The following CARNS1 variants were observed in gnomAD, a reference collection of about 807,000 sequenced individuals.
CARNS1 encodes the protein ATP-grasp domain containing 1.
CARNS1 carries 61 observed loss-of-function variants against 74.0 expected under a neutral mutation model. That is an observed-to-expected ratio of 0.82 (90% CI 0.67 to 1.02). CARNS1 has a LOEUF of 1.02. CARNS1 is among the 50% of genes least tolerant of loss of function. CARNS1 has a pLI of 0.00. For synonymous variants in CARNS1, 568 were observed against 605.5 expected, an observed-to-expected ratio of 0.94 and a Z score of 0.91; for missense variants, 1,278 against 1,308.4, an observed-to-expected ratio of 0.98 and a Z score of 0.36.
rs745377070 is a variant in CARNS1, at chr11:67,424,051, C to T, written c.2303C>T (p.Pro768Leu). ...TTCACTGAGACGGCGGCCTGCATGC[C>T]CACCGGGCTGGCACCAGAGCAGGAG... ...PGFTETAACM[P>L]TGLAPEQEAQ... The change falls in exon 10 of 10, where the codon CCC (proline) becomes CTC (leucine). Residue 768 changes from proline to leucine, a missense_variant. Around this residue, in one of 3 missense-constraint regions of CARNS1, gnomAD observed 1,164 missense variants for 1,156.5 expected, o/e 1.01. Transcript: ENST00000687366. 2.5e-6 allele frequency: 4 copies of T among 1,612,908 alleles called. No homozygotes were observed. In the African/African-American group the frequency reaches 4.0e-5, roughly 16 times the overall value.
rs375777771 is a variant in CARNS1 at position 67,419,644 on chromosome 11, C to T, written c.1010C>T (p.Ala337Val). ...CTGGTGGAGGCTGTGTACCCACCTGCCCAGCTGCCCTGCTCAGGTGAGAGC... is the reference window on the plus strand; with the variant it reads ...CTGGTGGAGGCTGTGTACCCACCTGTCCAGCTGCCCTGCTCAGGTGAGAGC... The part of the protein sequence containing the change: ...SVLVEAVYPP[A>V]QLPCSDGPSP... Residue 337 changes from alanine (A) to valine (V), a missense_variant, in exon 6 of 10, where the codon GCC becomes GTC. Ala to Val is a moderately conservative substitution (Grantham distance 64). Transcript: ENST00000687366. 67 of 1,596,984 alleles carry T rather than the reference C, an allele frequency of 4.2e-5. No individual in the cohort carries two copies. The highest frequency in any genetic ancestry group is 1.7e-4 in the Middle Eastern group (1 of 6,060).
intron 1 of CARNS1, 27 bp from the exon 2 acceptor site, chr11:67,416,149 T>TCTCTGTCC: frequency 7.2e-7 from 1 of 1,390,380 alleles, no homozygotes; most frequent in Non-Finnish European, 9.9e-7. Flanking sequence ...CTCCTTCGTC[T>TCTCTGTCC]CTCTGTCCCT....
Position 67,423,343 on chromosome 11 carries a change from C to T in CARNS1, c.1627-32C>T, listed in dbSNP as rs1355147082. On this transcript the variant is annotated intron_variant, in intron 9 of 9. Transcript: ENST00000687366. The surrounding 1 kb of genome is among the most constrained non-coding windows in gnomAD (Gnocchi z 5.1). Reference sequence around the variant, plus strand: ...CCCCCTAGCACCCAGTACTAGCTGACCTGGATATGCCCCACCCTGTGGCTT... The same window carrying T: ...CCCCCTAGCACCCAGTACTAGCTGATCTGGATATGCCCCACCCTGTGGCTT... The T allele has an allele frequency of 6.3e-7, 1 of 1,575,584 alleles. No individual in the cohort carries two copies. Among genetic ancestry groups the T allele is most frequent in the East Asian group, 2.2e-5 (1 of 44,476 alleles).
Position 67,424,864 on chromosome 11 carries a change from C to T in CARNS1, c.*263C>T, listed in dbSNP as rs1006222411. Reference sequence around the variant, plus strand: ...AGCCTTGGAGAAATGACAATGGCCACACACACACACACACACACACACACA... The same window carrying T: ...AGCCTTGGAGAAATGACAATGGCCATACACACACACACACACACACACACA... On this transcript the variant is annotated 3_prime_UTR_variant, in exon 10 of 10. Coordinates refer to ENST00000687366, the MANE Select transcript of CARNS1 (RefSeq NM_001166222.2). The T allele has an allele frequency of 1.0e-5, 5 of 487,064 alleles. No individual in the cohort carries two copies. The highest frequency in any genetic ancestry group is 1.9e-5 in the Non-Finnish European group (5 of 257,432). The allele number at this position is 487,064 out of a possible 1,614,324, so 30.2% of individuals were successfully genotyped here. A position where few individuals can be genotyped will look rare whatever the true frequency, so the allele number is the denominator to read the frequency against.
At position 67,423,578 on chromosome 11, in the gene CARNS1, G is replaced by A. The variant is rs759892422; in HGVS notation, c.1830G>A (p.Glu610=). 1 of 1,610,708 alleles carries A rather than the reference G, an allele frequency of 6.2e-7. No individual in the cohort carries two copies. The highest frequency in any genetic ancestry group is 2.2e-5 in the East Asian group (1 of 44,720). Residue 610 remains glutamate, a synonymous_variant, in exon 10 of 10, where the codon GAG becomes GAA. Transcript: ENST00000687366. The surrounding 1 kb of genome is among the most constrained non-coding windows in gnomAD (Gnocchi z 5.1). The stretch of plus-strand genomic sequence containing the variant: ...TGCTCACAGCCCTGCTCTGCCAGGA[G>A]CTAGGTCTGCCCTGCAGCTCCCCAG... ...CLVLTALLCQ[E]LGLPCSSPAA... is the part of the protein sequence containing the mutation.
chr11:67,416,059 C>T (rs1230066996), intron 1 of CARNS1, 117 bp from the exon 2 acceptor site: 4 of 713,524 alleles, frequency 5.6e-6, no homozygotes, highest in African/African-American at 1.7e-5. Flanking sequence ...TGGCCTCTCT[C>T]TGCAGGGACA....
Position 67,420,920 on chromosome 11 carries a change from C to A in CARNS1, c.1346-19C>A. 1 of 1,368,384 alleles carries A rather than the reference C, an allele frequency of 7.3e-7. No homozygotes were observed. Among genetic ancestry groups the A allele is most frequent in the Non-Finnish European group, 9.4e-7 (1 of 1,063,584 alleles). 84.8% of individuals were successfully genotyped at this position (1,368,384 alleles called of 1,614,324 possible). A position where few individuals can be genotyped will look rare whatever the true frequency, so the allele number is the denominator to read the frequency against. ...GCGGTGGCTGCCGTAGCTGAGCTCG[C>A]GCCTCCCGCCCGGCGCAGGCGTGGA... is the stretch of plus-strand genomic sequence containing the variant. On this transcript the variant is annotated intron_variant, in intron 8 of 9. Transcript: ENST00000687366.
At chr11:67,417,315 C>T in intron 2 of CARNS1, 92 bp from the exon 3 acceptor site, 1 of 1,266,254 alleles carries the variant, frequency 7.9e-7, no homozygotes, top group Middle Eastern at 2.0e-4. Flanking sequence ...GAACATAGCC[C>T]AGGCTGGGAG....
rs1391425211 is a variant in CARNS1 at position 67,424,984 on chromosome 11, G to A, written c.*383G>A. The A allele has an allele frequency of 8.0e-6, 4 of 499,008 alleles. No individual in the cohort carries two copies. Among genetic ancestry groups the A allele is most frequent in the Non-Finnish European group, 1.6e-5 (4 of 256,038 alleles). The allele number at this position is 499,008 out of a possible 1,614,324, so 30.9% of individuals were successfully genotyped here. On this transcript the variant is annotated 3_prime_UTR_variant, in exon 10 of 10. Transcript: ENST00000687366. Reference sequence around the variant, plus strand: ...CTCACTCTCTTCCTGCCATCTACAAGAGGAGAGGACCTGGCTGGGCCCCAA... The same window carrying A: ...CTCACTCTCTTCCTGCCATCTACAAAAGGAGAGGACCTGGCTGGGCCCCAA...
In CARNS1 at chr11:67,420,934, C is replaced by T; in HGVS notation, c.1346-5C>T. ...AGCTGAGCTCGCGCCTCCCGCCCGGCGCAGGCGTGGATTTCGCGCTGACAG... is the reference window on the plus strand; with the variant it reads ...AGCTGAGCTCGCGCCTCCCGCCCGGTGCAGGCGTGGATTTCGCGCTGACAG... On this transcript the variant is annotated splice_region_variant and splice_polypyrimidine_tract_variant and intron_variant, in intron 8 of 9. Transcript: ENST00000687366. 7.1e-7 allele frequency: 1 copy of T among 1,401,144 alleles called. No homozygotes were observed. The highest frequency in any genetic ancestry group is 9.3e-7 in the Non-Finnish European group (1 of 1,080,022). The allele number at this position is 1,401,144 out of a possible 1,614,324, so 86.8% of individuals were successfully genotyped here.
At chr11:67,419,459 G>A in intron 5 of CARNS1, 28 bp from the exon 6 acceptor site, 1 of 1,607,924 alleles carries the variant, frequency 6.2e-7, no homozygotes, top group Non-Finnish European at 8.5e-7. Flanking sequence ...GTGGTGTCCA[G>A]GAGGCCCCTT....
Position 67,421,223 on chromosome 11 carries a change from G to GGCGGGGC in CARNS1, c.1626+13_1626+19dup, listed in dbSNP as rs1863694384. 6.7e-7 allele frequency: 1 copy of GGCGGGGC among 1,485,238 alleles called. No homozygotes were observed. The highest frequency in any genetic ancestry group is 8.9e-7 in the Non-Finnish European group (1 of 1,124,790). The allele number at this position is 1,485,238 out of a possible 1,614,324, so 92.0% of individuals were successfully genotyped here. On this transcript the variant is annotated splice_donor_region_variant and intron_variant, in intron 9 of 9. Coordinates refer to ENST00000687366, the MANE Select transcript of CARNS1 (RefSeq NM_001166222.2). ...GGCGCGCGACTACGGGCTCCAGGTGGGCGGGGCGCGGGGCGGGGCTGGGCC... is the reference window on the plus strand; with the variant it reads ...GGCGCGCGACTACGGGCTCCAGGTGGGCGGGGCGCGGGGCGCGGGGCGGGGCTGGGCC...
intron 2 of CARNS1, chr11:67,416,464 C>A: frequency 1.5e-6 from 2 of 1,327,704 alleles, no homozygotes; most frequent in Non-Finnish European, 1.9e-6. Context: ...CTGGCCCTGG[C>A]AAACTGGGAT....
rs59798232 is a variant in CARNS1 at position 67,424,861 on chromosome 11, C to CCA, written c.*290_*291dup. 63,955 of 504,722 alleles carry CCA rather than the reference C, an allele frequency of 0.13. 3,077 individuals are homozygous for CCA. The highest frequency in any genetic ancestry group is 0.33 in the African/African-American group (15,496 of 47,602). 31.3% of individuals were successfully genotyped at this position (504,722 alleles called of 1,614,324 possible). A position where few individuals can be genotyped will look rare whatever the true frequency, so the allele number is the denominator to read the frequency against. On this transcript the variant is annotated 3_prime_UTR_variant, in exon 10 of 10. Coordinates refer to ENST00000687366, the MANE Select transcript of CARNS1 (RefSeq NM_001166222.2). Reference sequence around the variant, plus strand: ...TCTAGCCTTGGAGAAATGACAATGGCCACACACACACACACACACACACAC... The same window carrying CCA: ...TCTAGCCTTGGAGAAATGACAATGGCCACACACACACACACACACACACACAC...
At chr11:67,417,948 C>T (rs1014085678) in intron 3 of CARNS1, among the ~76,000 whole-genome samples, 1 of 152,180 alleles carries the variant, frequency 6.6e-6, no homozygotes, top group Non-Finnish European at 1.5e-5. Context: ...TGTGTGGCAC[C>T]GAAGCTTCTA....
rs1380323536 is a variant in CARNS1 at position 67,424,781 on chromosome 11, C to G, written c.*180C>G. 1 of 710,604 alleles carries G rather than the reference C, an allele frequency of 1.4e-6. No individual in the cohort carries two copies. The allele number at this position is 710,604 out of a possible 1,614,324, so 44.0% of individuals were successfully genotyped here. On this transcript the variant is annotated 3_prime_UTR_variant, in exon 10 of 10. Coordinates refer to ENST00000687366, the MANE Select transcript of CARNS1 (RefSeq NM_001166222.2). ...TTTAGACACCAAGGCATCCTGGACT[C>G]AAGGGCCTCTTGCCCTCCCGAAGGC... is the stretch of plus-strand genomic sequence containing the variant.
chr11:67,424,502 C>T lies in CARNS1; in HGVS notation c.2754C>T (p.Ser918=), dbSNP rs2135102857. ...PYCSVACAGP[S]PTEARLRLLG... ...GCAGTGTGGCCTGTGCCGGACCCAG[C>T]CCCACCGAGGCCCGTCTCCGCCTGC... Residue 918 remains serine (S), a synonymous_variant, in exon 10 of 10, where the codon AGC becomes AGT. Transcript: ENST00000687366. 6.3e-7 allele frequency: 1 copy of T among 1,589,120 alleles called. No individual in the cohort carries two copies. Among genetic ancestry groups the T allele is most frequent in the Non-Finnish European group, 8.6e-7 (1 of 1,169,474 alleles).
Position 67,423,573 on chromosome 11 carries a change from C to G in CARNS1, c.1825C>G (p.Gln609Glu). The G allele has an allele frequency of 2.5e-6, 4 of 1,610,944 alleles. No homozygotes were observed. The highest frequency in any genetic ancestry group is 3.4e-6 in the Non-Finnish European group (4 of 1,178,688). ...DCLVLTALLC[Q>E]ELGLPCSSPA... is the part of the protein sequence containing the mutation. ...CCTGGTGCTCACAGCCCTGCTCTGC[C>G]AGGAGCTAGGTCTGCCCTGCAGCTC... Residue 609 changes from glutamine (Q) to glutamate (E), a missense_variant, in exon 10 of 10, where the codon CAG becomes GAG. Physicochemically the swap from Gln to Glu is conservative, Grantham distance 29. Transcript: ENST00000687366. This position sits in a 1 kb window ranked among gnomAD's most constrained non-coding sequence, Gnocchi z 5.1.
chr11:67,419,764 C>T lies in CARNS1; in HGVS notation c.1039C>T (p.Pro347Ser). Residue 347 changes from proline to serine, a missense_variant, in exon 7 of 10, where the codon CCC becomes TCC. By Grantham distance (74) the Pro-to-Ser change is moderately conservative. Transcript: ENST00000687366. ...AQLPCSDGPS[P>S]GPGLAVRICA... Reference sequence around the variant, plus strand: ...CCGTCTTCCCCCAGATGGTCCTTCACCCGGCCCCGGCCTGGCCGTGCGAAT... The same window carrying T: ...CCGTCTTCCCCCAGATGGTCCTTCATCCGGCCCCGGCCTGGCCGTGCGAAT... 6.2e-7 allele frequency: 1 copy of T among 1,603,780 alleles called. No homozygotes were observed. The highest frequency in any genetic ancestry group is 1.3e-5 in the African/African-American group (1 of 74,610).
Sources: gnomAD v4.1 joint callset for allele counts (sites outside exome capture counted in the v4.1 genomes callset) on GRCh38, gnomAD v4.1.1 for gene constraint, gnomAD v4.1.1 regional missense constraint, Gnocchi (gnomAD v3.1) non-coding constraint, MANE v1.5 for transcripts, NCBI Gene and HGNC (gene_info 2026-07-23, HGNC 2026-07-21) for gene names.